Variants in KAZN observed in about 807,000 individuals in gnomAD.
KAZN encodes kazrin, periplakin interacting protein, also known as kazrin.
KAZN carries 40 observed loss-of-function variants against 87.4 expected under a neutral mutation model. The observed-to-expected ratio is 0.46, with a 90% CI of 0.36 to 0.60. The LOEUF is 0.60. KAZN is among the 20% of genes least tolerant of loss of function. The probability of loss-of-function intolerance (pLI) is 0.00; values close to 1 mark genes in which losing one functional copy is unlikely to be tolerated. For synonymous variants in KAZN, 466 were observed against 458.3 expected (o/e 1.02, Z -0.22); for missense variants, 898 against 1,073.9 (o/e 0.84, Z 2.29).
chr1:14,088,980 G>T (rs1266148506), intron 1 of KAZN, among the ~76,000 whole-genome samples: 15 of 136,964 alleles, frequency 1.1e-4, no homozygotes, highest in South Asian at 2.3e-4. Context: ...ATTAGTGGTT[G>T]CATGCCTTAC....
At chr1:14,254,354 G>C (rs985101361) in intron 2 of KAZN, among the ~76,000 whole-genome samples, 2 of 152,230 alleles carry the variant, frequency 1.3e-5, no homozygotes, top group East Asian at 3.9e-4. Flanking sequence ...AGCTCCCTAG[G>C]GATCATCTCT....
intron 2 of KAZN, among the ~76,000 whole-genome samples, chr1:14,444,283 C>A (rs1666854744): frequency 6.7e-6 from 1 of 149,852 alleles, no homozygotes; most frequent in Admixed American, 6.6e-5. Context: ...ACTCGCTCAT[C>A]TCCAAAATAA....
rs542044792 is a variant in KAZN, at chr1:14,254,279, A to G, written c.249+73687A>G. Among the ~76,000 whole-genome samples, 34 of 152,340 alleles carry G rather than the reference A, an allele frequency of 2.2e-4. No homozygotes were observed. The South Asian group carries it at 4.6e-3, about 20-fold the overall frequency. On this transcript the variant is annotated intron_variant, in intron 2 of 16. Transcript: ENST00000636203. ...GTTATATCCAGCAACTTTTGCTAAT[A>G]CAATGCACTTGGAATCTCATCTGTG...
chr1:14,749,175 C>A (rs558275804), intron 1 of KAZN, among the ~76,000 whole-genome samples: 2 of 152,294 alleles, frequency 1.3e-5, no homozygotes, highest in South Asian at 4.1e-4. Context: ...CCAGAACTCA[C>A]ATCCACTGAG....
chr1:15,000,184 G>T (rs1278221334), intron 2 of KAZN, among the ~76,000 whole-genome samples: 1 of 149,566 alleles, frequency 6.7e-6, no homozygotes, highest in South Asian at 2.1e-4. Context: ...GAGATCTGAA[G>T]GTGCCCTGTT....
In KAZN at chr1:14,856,414, T is replaced by C. The variant is rs994211447; in HGVS notation, c.227-104270T>C. ...GAATTTTGAAGAAGGAGGCAATATT[T>C]CCATAGGTGGCATAGCTAAAGACAT... On this transcript the variant is annotated intron_variant, in intron 1 of 14. Transcript: ENST00000376030. The surrounding 1 kb of genome is among the most constrained non-coding windows in gnomAD (Gnocchi z 5.2). Among the ~76,000 whole-genome samples, 1 of 152,196 alleles carries C rather than the reference T, an allele frequency of 6.6e-6. No homozygotes were observed. The highest frequency in any genetic ancestry group is 1.9e-4 in the East Asian group (1 of 5,188).
At chr1:14,301,984 A>G (rs1052174667) in intron 2 of KAZN, among the ~76,000 whole-genome samples, 19 of 152,118 alleles carry the variant, frequency 1.2e-4, no homozygotes, top group Admixed American at 2.6e-4. Context: ...TACCGCTCCC[A>G]ATTGGACTCT....
rs554773184 is a variant in KAZN at position 13,915,007 on chromosome 1, AATAG to A, written c.91+21256_91+21259del. Among the ~76,000 whole-genome samples, 247 of 152,368 alleles carry A rather than the reference AATAG, an allele frequency of 1.6e-3. 1 individual carries two copies. Among genetic ancestry groups the A allele is most frequent in the Non-Finnish European group, 2.8e-3 (188 of 68,030 alleles). On this transcript the variant is annotated intron_variant, in intron 1 of 16. Coordinates refer to the KAZN transcript ENST00000636203. ...GATCCATGACCCTCGGAATGGAGAC[AATAG>A]ATAGTGTTTCCTTTGAGCTGCTAAG... is the stretch of plus-strand genomic sequence containing the variant.
At chr1:14,055,986 C>G (rs1570630194) in intron 1 of KAZN, among the ~76,000 whole-genome samples, 1 of 152,156 alleles carries the variant, frequency 6.6e-6, no homozygotes, top group South Asian at 2.1e-4. Context: ...TACCCTCTAC[C>G]CCCTCTTATC....
At chr1:15,046,486 A>G (rs189170773) in intron 4 of KAZN, among the ~76,000 whole-genome samples, 1 of 152,166 alleles carries the variant, frequency 6.6e-6, no homozygotes, top group East Asian at 1.9e-4. Flanking sequence ...CGATAATCAG[A>G]CCCACGCACC....
At chr1:14,325,066 C>A (rs533881733) in intron 2 of KAZN, among the ~76,000 whole-genome samples, 1 of 152,148 alleles carries the variant, frequency 6.6e-6, no homozygotes, top group South Asian at 2.1e-4. Context: ...AGCGGGGGAA[C>A]GAGGACTTGC....
At chr1:14,335,174 G>A (rs1256417146) in intron 2 of KAZN, among the ~76,000 whole-genome samples, 1 of 149,582 alleles carries the variant, frequency 6.7e-6, no homozygotes, top group Non-Finnish European at 1.5e-5. Context: ...ATAACTGGTT[G>A]CTTAAAGGAG....
intron 2 of KAZN, among the ~76,000 whole-genome samples, chr1:14,379,027 C>T (rs142130209): frequency 1.4e-5 from 2 of 147,232 alleles, no homozygotes; most frequent in East Asian, 2.0e-4. Context: ...CTAAAGAAGA[C>T]ATTGACCTGC....
At chr1:14,163,110 T>C (rs1264581121) in intron 1 of KAZN, among the ~76,000 whole-genome samples, 1 of 152,072 alleles carries the variant, frequency 6.6e-6, no homozygotes, top group African/African-American at 2.4e-5. Flanking sequence ...AGTGAATCTG[T>C]ATGGGTCTGC....
intron 2 of KAZN, among the ~76,000 whole-genome samples, chr1:14,234,514 T>C (rs1016165939): frequency 1.4e-5 from 2 of 146,470 alleles, no homozygotes; most frequent in Non-Finnish European, 3.0e-5. Context: ...GTAACAAACC[T>C]GCACGTTCTG....
intron 1 of KAZN, among the ~76,000 whole-genome samples, chr1:14,664,824 G>A (rs1357655851): frequency 1.3e-5 from 2 of 151,562 alleles, no homozygotes; most frequent in South Asian, 2.1e-4. Context: ...TGGCTAATTT[G>A]TTTTGTATTT....
intron 1 of KAZN, among the ~76,000 whole-genome samples, chr1:14,663,300 G>A (rs1048513905): frequency 6.6e-6 from 1 of 152,216 alleles, no homozygotes; most frequent in African/African-American, 2.4e-5. Context: ...TACATGGGAG[G>A]CATTCTTACT....
chr1:14,235,659 G>C (rs890543689), intron 2 of KAZN, among the ~76,000 whole-genome samples: 26 of 152,174 alleles, frequency 1.7e-4, no homozygotes, highest in Admixed American at 3.9e-4. Flanking sequence ...AATGTTTTAT[G>C]CATAAAGATG....
At chr1:14,692,379 G>A (rs542496606) in intron 1 of KAZN, 3 of 312,722 alleles carry the variant, frequency 9.6e-6, no homozygotes, top group South Asian at 1.3e-4. Flanking sequence ...TTTTCCATAC[G>A]TCAGTTTTTC....
Sources: gnomAD v4.1 joint callset for allele counts (sites outside exome capture counted in the v4.1 genomes callset) on GRCh38, gnomAD v4.1.1 for gene constraint, Gnocchi (gnomAD v3.1) non-coding constraint, MANE v1.5 for transcripts, NCBI Gene and HGNC (gene_info 2026-07-23, HGNC 2026-07-21) for gene names.